DPP6: variants seen among roughly 807,000 people sequenced by gnomAD.
DPP6 encodes the protein A-type potassium channel modulatory protein DPP6.
DPP6 carries 69 observed loss-of-function variants against 122.6 expected under a neutral mutation model. The observed-to-expected ratio is 0.56, with a 90% CI of 0.46 to 0.69. The LOEUF is 0.69. DPP6 is among the 30% of genes least tolerant of loss of function. The pLI, the probability that DPP6 is intolerant of heterozygous loss-of-function variation, is 0.00. For synonymous variants in DPP6, 418 were observed against 433.1 expected (o/e 0.97, Z 0.43); for missense variants, 928 against 1,116.9 (o/e 0.83, Z 2.41).
intron 1 of DPP6, among the ~76,000 whole-genome samples, chr7:154,143,077 T>C (rs1239554519): frequency 6.9e-6 from 1 of 145,024 alleles, no homozygotes; most frequent in African/African-American, 2.6e-5. Context: ...GCCTAGGATT[T>C]AGAGATCACT....
At chr7:154,131,762 AG>A (rs200180133) in intron 1 of DPP6, among the ~76,000 whole-genome samples, 2,421 of 152,284 alleles carry the variant, frequency 0.016, 6 homozygotes, top group African/African-American at 0.056. Context: ...TATCTGGAAA[AG>A]GTACCCTTTC....
rs188929068 is a variant in DPP6 at position 154,365,665 on chromosome 7, G to C, written c.244-80549G>C. Among the ~76,000 whole-genome samples the C allele has an allele frequency of 6.0e-4, 92 of 152,256 alleles. 1 individual carries two copies. Among genetic ancestry groups the C allele is most frequent in the Admixed American group, 5.2e-3 (79 of 15,298 alleles). On this transcript the variant is annotated intron_variant, in intron 1 of 25. Coordinates refer to ENST00000377770, the MANE Select transcript of DPP6 (RefSeq NM_130797.4). ...CATTCACCGTCCTTCTTAAAAGTGG[G>C]GAAGGGGGCCAGGCGCGGTGGCTCA...
At chr7:154,455,600 G>T (rs1820756564) in intron 2 of DPP6, among the ~76,000 whole-genome samples, 2 of 152,184 alleles carry the variant, frequency 1.3e-5, no homozygotes, top group Admixed American at 1.3e-4. Flanking sequence ...CTACTGAAAA[G>T]TGGGTCGCTG....
At chr7:153,951,904 G>A (rs544091496) in intron 1 of DPP6, among the ~76,000 whole-genome samples, 12 of 152,234 alleles carry the variant, frequency 7.9e-5, no homozygotes, top group African/African-American at 1.9e-4. Context: ...TTACTTGGGC[G>A]TGGTGGTGCA....
chr7:154,377,572 T>C (rs966359908), intron 1 of DPP6, among the ~76,000 whole-genome samples: 2 of 152,212 alleles, frequency 1.3e-5, no homozygotes, highest in South Asian at 2.1e-4. Context: ...GCTGTTCTCC[T>C]GATAGTGAAT....
chr7:154,423,336 G>A (rs1035106228), intron 1 of DPP6, among the ~76,000 whole-genome samples: 30 of 152,226 alleles, frequency 2.0e-4, no homozygotes, highest in African/African-American at 6.7e-4. Context: ...CTGCGAACTG[G>A]CAATTATGGA....
chr7:154,151,823 T>G (rs1033275121), intron 1 of DPP6, among the ~76,000 whole-genome samples: 2 of 151,970 alleles, frequency 1.3e-5, no homozygotes, highest in African/African-American at 4.8e-5. Flanking sequence ...CAGCCTCTGC[T>G]TCTGGGGAAC....
At chr7:153,936,912 TG>T (rs1447109663) in intron 1 of DPP6, among the ~76,000 whole-genome samples, 1 of 152,150 alleles carries the variant, frequency 6.6e-6, no homozygotes, top group African/African-American at 2.4e-5. Flanking sequence ...ACAGTGTTTG[TG>T]GGACTTTGTA....
At chr7:153,753,881 AT>A in the DPP6 span, among the ~76,000 whole-genome samples, 2 of 152,110 alleles carry the variant, frequency 1.3e-5, no homozygotes, top group East Asian at 1.9e-4. Context: ...CTTATTCATC[AT>A]TTGGCACCAT....
At chr7:153,825,379 C>T in the DPP6 span, among the ~76,000 whole-genome samples, 1 of 152,046 alleles carries the variant, frequency 6.6e-6, no homozygotes, top group Admixed American at 6.5e-5. Context: ...TTTGAAGTCT[C>T]CTCTGACTTC....
chr7:154,193,997 G>A lies in DPP6; in HGVS notation c.243+140934G>A, dbSNP rs373546205. 2.0e-4 allele frequency among the ~76,000 whole-genome samples: 30 copies of A among 152,220 alleles called. No individual in the cohort carries two copies. The South Asian group carries it at 6.2e-3, about 32-fold the overall frequency. On this transcript the variant is annotated intron_variant, in intron 1 of 25. Transcript: ENST00000377770. ...CTCTTTTCCTAAAGGAACATATCGT[G>A]CCCAATTTTAATTAGCTCTGATGAA...
chr7:154,457,277 A>T (rs1820905523), intron 2 of DPP6, among the ~76,000 whole-genome samples: 1 of 33,502 alleles, frequency 3.0e-5, no homozygotes, highest in Non-Finnish European at 5.6e-5. Context: ...ATGAGATATC[A>T]TCTCACACCA....
rs147027139 is a variant in DPP6 at position 154,225,520 on chromosome 7, T to A, written c.243+172457T>A. ...TCTACTTTTTCAATCCCACTTCCTT[T>A]ACCCAGTAATAATATTCATTGGTGT... is the stretch of plus-strand genomic sequence containing the variant. On this transcript the variant is annotated intron_variant, in intron 1 of 25. Coordinates refer to ENST00000377770, the MANE Select transcript of DPP6 (RefSeq NM_130797.4). Among the ~76,000 whole-genome samples, 30 of 152,210 alleles carry A rather than the reference T, an allele frequency of 2.0e-4. No homozygotes were observed. The East Asian group carries it at 5.6e-3, about 28-fold the overall frequency.
At chr7:154,040,859 G>C (rs1271920446) in intron 1 of DPP6, among the ~76,000 whole-genome samples, 2 of 149,334 alleles carry the variant, frequency 1.3e-5, no homozygotes, top group Admixed American at 1.3e-4. Context: ...CCTGCCCCGG[G>C]AAGAGGATTT....
chr7:154,065,804 T>C (rs971370990), intron 1 of DPP6, among the ~76,000 whole-genome samples: 10 of 152,018 alleles, frequency 6.6e-5, no homozygotes, highest in African/African-American at 2.4e-4. Flanking sequence ...AGGGACTGGG[T>C]TTTCCTCAGG....
At chr7:154,153,960 A>T (rs531653473) in intron 1 of DPP6, among the ~76,000 whole-genome samples, 1 of 152,150 alleles carries the variant, frequency 6.6e-6, no homozygotes, top group South Asian at 2.1e-4. Context: ...GAGCATTTAG[A>T]GTTTTAGCCA....
chr7:154,147,120 C>T (rs1460755929), intron 1 of DPP6, among the ~76,000 whole-genome samples: 3 of 152,176 alleles, frequency 2.0e-5, no homozygotes, highest in Non-Finnish European at 2.9e-5. Context: ...GAACATTGTA[C>T]TCTGCTTCCA....
At chr7:153,891,630 A>G (rs1439391021) in intron 1 of DPP6, among the ~76,000 whole-genome samples, 1 of 152,204 alleles carries the variant, frequency 6.6e-6, no homozygotes, top group Non-Finnish European at 1.5e-5. Context: ...TTCTGAGGTT[A>G]ATGGGAAATG....
At chr7:153,914,879 G>A (rs975566361) in intron 1 of DPP6, among the ~76,000 whole-genome samples, 1 of 152,120 alleles carries the variant, frequency 6.6e-6, no homozygotes, top group Non-Finnish European at 1.5e-5. Flanking sequence ...TCTATGCTGT[G>A]GGGCTCACCT....
Sources: allele counts gnomAD v4.1 joint callset (sites outside exome capture counted in the v4.1 genomes callset), GRCh38; gene constraint gnomAD v4.1.1; transcripts MANE v1.5; gene names NCBI Gene and HGNC (gene_info 2026-07-23, HGNC 2026-07-21).